The following EP300 variants were observed in gnomAD, a reference collection of about 807,000 sequenced individuals.
EP300 encodes the protein histone acetyltransferase p300.
Under a neutral mutation model 264.0 loss-of-function variants are expected in EP300, and 31 were observed. That is an observed-to-expected ratio of 0.12 (90% confidence interval 0.09 to 0.16). The LOEUF (loss-of-function observed/expected upper bound fraction) is 0.16, where lower values mean the gene tolerates loss of function less well. Among genes scored for constraint, EP300 ranks in the 10% least tolerant of loss-of-function variants. The probability of loss-of-function intolerance (pLI) is 1.00; values close to 1 mark genes in which losing one functional copy is unlikely to be tolerated. For missense variants in EP300, 2,766 were observed against 3,052.9 expected (o/e 0.91, Z 2.21); for synonymous variants, 1,340 against 1,045.4 (o/e 1.28, Z -5.44).
At chr22:41,161,006 A>G (rs2059105157) in intron 20 of EP300, among the ~76,000 whole-genome samples, 5 of 152,220 alleles carry the variant, frequency 3.3e-5, no homozygotes, top group Admixed American at 3.3e-4. Context: ...TGAATTAGGG[A>G]ATATGTCAGC....
intron 1 of EP300, among the ~76,000 whole-genome samples, chr22:41,106,115 TA>T (rs2058756810): frequency 6.6e-6 from 1 of 152,222 alleles, no homozygotes; most frequent in African/African-American, 2.4e-5. Flanking sequence ...TAACTTTTTT[TA>T]AATGAAGTAC....
Position 41,179,448 on chromosome 22 carries a change from A to C in EP300, c.*492A>C, listed in dbSNP as rs983419908. 4.9e-5 allele frequency: 8 copies of C among 162,228 alleles called. No individual in the cohort carries two copies. The highest frequency in any genetic ancestry group is 1.9e-4 in the African/African-American group (8 of 41,050). 10.0% of individuals were successfully genotyped at this position (162,228 alleles called of 1,614,324 possible). A position where few individuals can be genotyped will look rare whatever the true frequency, so the allele number is the denominator to read the frequency against. Reference sequence around the variant, plus strand: ...ATGTTACTTTAAAATTACATTCTATATATATATAAATATATATAAATATAT... The same window carrying C: ...ATGTTACTTTAAAATTACATTCTATCTATATATAAATATATATAAATATAT... On this transcript the variant is annotated 3_prime_UTR_variant, in exon 31 of 31. Transcript: ENST00000263253.
chr22:41,104,302 T>G (rs1452993412), intron 1 of EP300, among the ~76,000 whole-genome samples: 3 of 152,128 alleles, frequency 2.0e-5, no homozygotes, highest in Non-Finnish European at 4.4e-5. Flanking sequence ...TTTGGTTTTT[T>G]TTTTTCATAC....
At chr22:41,100,896 T>C (rs566766957) in intron 1 of EP300, among the ~76,000 whole-genome samples, 1 of 152,230 alleles carries the variant, frequency 6.6e-6, no homozygotes, top group Non-Finnish European at 1.5e-5. Context: ...ATATATCATA[T>C]ATATTATCAT....
At chr22:41,128,471 CAG>C (rs1487230395) in intron 4 of EP300, among the ~76,000 whole-genome samples, 2 of 151,736 alleles carry the variant, frequency 1.3e-5, no homozygotes, top group African/African-American at 2.4e-5. Context: ...AAAAAAAAAA[CAG>C]TGTACATATG....
chr22:41,175,132 T>C lies in EP300; in HGVS notation c.4780-1115T>C, dbSNP rs528445656. ...AGTAATGCCACAGAATCCTAGGCAG[T>C]TGGGAAAAGCCCTTAGAATATATTG... On this transcript the variant is annotated intron_variant, in intron 29 of 30. Transcript: ENST00000263253. Among the ~76,000 whole-genome samples, 15 of 152,352 alleles carry C rather than the reference T, an allele frequency of 9.8e-5. No homozygotes were observed. The South Asian group carries it at 2.7e-3, about 27-fold the overall frequency.
At chr22:41,107,975 T>TTACA (rs769599712) in intron 1 of EP300, 8 of 152,252 alleles carry the variant, frequency 5.3e-5, no homozygotes, top group Non-Finnish European at 1.0e-4. Flanking sequence ...AGTGCTGGGA[T>TTACA]TACAGGCGTG....
At chr22:41,151,060 T>A (rs1166284597) in intron 14 of EP300, among the ~76,000 whole-genome samples, 1 of 152,114 alleles carries the variant, frequency 6.6e-6, no homozygotes, top group Non-Finnish European at 1.5e-5. Context: ...TCCTTATTAA[T>A]AGAACTTTTT....
chr22:41,111,548 CTTT>C lies in EP300; in HGVS notation c.95-5635_95-5633del, dbSNP rs201344505. ...CTTTTTCCTTTTTCTTTCTTTCCTT[CTTT>C]TTTGTTTTGAGACGGAGTTTTGCTT... On this transcript the variant is annotated intron_variant, in intron 1 of 30. Transcript: ENST00000263253. Among the ~76,000 whole-genome samples the C allele has an allele frequency of 1.9e-3, 286 of 151,964 alleles. 2 individuals carry two copies. Among genetic ancestry groups the C allele is most frequent in the East Asian group, 0.019 (96 of 5,162 alleles).
chr22:41,164,628 T>A (rs1371437614), intron 22 of EP300, among the ~76,000 whole-genome samples: 2 of 152,112 alleles, frequency 1.3e-5, no homozygotes, highest in Admixed American at 1.3e-4. Context: ...GGGAAGAGAA[T>A]CACTTGAACC....
intron 1 of EP300, among the ~76,000 whole-genome samples, chr22:41,110,135 T>C (rs2058781261): frequency 8.1e-6 from 1 of 123,230 alleles, no homozygotes; most frequent in Admixed American, 8.2e-5. Flanking sequence ...CCCCTTTTTT[T>C]TTAAGTTATT....
chr22:41,093,804 A>G (rs2058687747), intron 1 of EP300, among the ~76,000 whole-genome samples: 1 of 152,226 alleles, frequency 6.6e-6, no homozygotes, highest in East Asian at 1.9e-4. Flanking sequence ...TGTTCTTTGC[A>G]GTTTGCAGTC....
intron 2 of EP300, among the ~76,000 whole-genome samples, chr22:41,124,731 C>T (rs1006989872): frequency 9.2e-5 from 14 of 152,198 alleles, no homozygotes; most frequent in African/African-American, 3.4e-4. Flanking sequence ...CGCCATGTAG[C>T]ATCATGTGTG....
At chr22:41,166,502 T>G (rs2059135259) in intron 22 of EP300, 97 bp from the exon 23 acceptor site, 3 of 936,430 alleles carry the variant, frequency 3.2e-6, no homozygotes, top group Non-Finnish European at 5.0e-6. Context: ...AATTTAGAAA[T>G]ACTTCTGCTA....
In EP300 at chr22:41,137,840, C is replaced by T. The variant is rs750978511; in HGVS notation, c.1760+50C>T. ...CATTCGTAAAGAGATGTTACGTCAA[C>T]ATGTTTTCAATCTCCTGGGCATTTA... On this transcript the variant is annotated intron_variant, in intron 8 of 30. Transcript: ENST00000263253. 1.1e-5 allele frequency: 18 copies of T among 1,612,916 alleles called. No homozygotes were observed. In the East Asian group the frequency reaches 3.6e-4, roughly 32 times the overall value.
intron 18 of EP300, 125 bp downstream of exon 18, chr22:41,157,533 T>C (rs925268064): frequency 3.4e-6 from 4 of 1,172,510 alleles, no homozygotes; most frequent in South Asian, 2.8e-5. Flanking sequence ...TTTTTTTTTT[T>C]TCCTTTTTGA....
Position 41,133,462 on chromosome 22 carries a change from T to C in EP300, c.1528+1829T>C, listed in dbSNP as rs116268732. On this transcript the variant is annotated intron_variant, in intron 6 of 30. Transcript: ENST00000263253. ...CACTGTGCCTGACCCTCTAAGATTA[T>C]TTTTTAATACAGATTGAGTATCCCT... Among the ~76,000 whole-genome samples the C allele has an allele frequency of 7.4e-3, 1,125 of 152,284 alleles. 19 individuals are homozygous for C. Among genetic ancestry groups the C allele is most frequent in the African/African-American group, 0.026 (1,075 of 41,550 alleles).
intron 16 of EP300, among the ~76,000 whole-genome samples, chr22:41,154,662 T>C (rs2059066731): frequency 6.6e-6 from 1 of 152,150 alleles, no homozygotes; most frequent in Non-Finnish European, 1.5e-5. Flanking sequence ...GACTCTTATT[T>C]GGCAAAGTCT....
Position 41,127,739 on chromosome 22 carries a change from T to A in EP300, c.1159T>A (p.Ser387Thr). Residue 387 changes from serine (S) to threonine (T), a missense_variant, in exon 4 of 31, where the codon TCT (serine) becomes ACT (threonine). By Grantham distance (58) the Ser-to-Thr change is moderately conservative. Transcript: ENST00000263253. ...NHMTHCQSGK[S>T]CQVAHCASSR... is the part of the protein sequence containing the mutation. ...CATGACACACTGCCAGTCAGGCAAG[T>A]CTTGCCAAGGTAAGTGGACCCACAG... The A allele has an allele frequency of 6.2e-7, 1 of 1,614,224 alleles. No homozygotes were observed. Among genetic ancestry groups the A allele is most frequent in the Non-Finnish European group, 8.5e-7 (1 of 1,180,040 alleles).
Sources: allele counts gnomAD v4.1 joint callset (sites outside exome capture counted in the v4.1 genomes callset), GRCh38; gene constraint gnomAD v4.1.1; transcripts MANE v1.5; gene names NCBI Gene and HGNC (gene_info 2026-07-23, HGNC 2026-07-21).